USP36: variants seen among roughly 807,000 people sequenced by gnomAD.
The protein encoded by USP36 is ubiquitin carboxyl-terminal hydrolase 36.
In USP36, 59 loss-of-function variants were observed where a neutral mutation model predicts 111.5. The observed-to-expected ratio is 0.53, with a 90% CI of 0.43 to 0.66. The LOEUF is 0.66. Ranked by LOEUF, USP36 falls within the 30% of genes least tolerant of loss-of-function variation. The pLI is 0.00. For missense variants in USP36, 1,488 were observed against 1,468.0 expected, an observed-to-expected ratio of 1.01 and a Z score of -0.22; for synonymous variants, 628 against 581.0, an observed-to-expected ratio of 1.08 and a Z score of -1.16.
intron 6 of USP36, among the ~76,000 whole-genome samples, chr17:78,823,419 T>A (rs1471384443): frequency 6.6e-6 from 1 of 151,958 alleles, no homozygotes; most frequent in Non-Finnish European, 1.5e-5. Flanking sequence ...CCCTCTTGCA[T>A]AACCCAAAGC....
Position 78,802,941 on chromosome 17 carries a change from TTC to T in USP36, c.2811-408_2811-407del, listed in dbSNP as rs369008166. Among the ~76,000 whole-genome samples, 18 of 151,600 alleles carry T rather than the reference TTC, an allele frequency of 1.2e-4. No individual in the cohort carries two copies. In the South Asian group the frequency reaches 1.7e-3, roughly 14 times the overall value. On this transcript the variant is annotated intron_variant, in intron 16 of 20. Transcript: ENST00000449938. Reference sequence around the variant, plus strand: ...TGGTATTTATCAGAGGAGATATTTTTTCTTTTTTCTTTTTTTTTAGACAGGGT... The same window carrying T: ...TGGTATTTATCAGAGGAGATATTTTTTTTTTTCTTTTTTTTTAGACAGGGT...
intron 3 of USP36, among the ~76,000 whole-genome samples, chr17:78,788,023 G>C (rs1385713069): frequency 1.3e-5 from 2 of 152,126 alleles, no homozygotes; most frequent in East Asian, 1.9e-4. Flanking sequence ...TCCAGACTCT[G>C]GTCTCTCTCT....
intron 1 of USP36, among the ~76,000 whole-genome samples, chr17:78,839,572 G>A (rs1040623687): frequency 3.3e-5 from 5 of 152,172 alleles, no homozygotes; most frequent in Non-Finnish European, 5.9e-5. Flanking sequence ...TTAGGGAGGG[G>A]ATAAACGAAC....
At chr17:78,795,431 G>A (rs997757456), downstream of USP36, among the ~76,000 whole-genome samples, 1 of 152,154 alleles carries the variant, frequency 6.6e-6, no homozygotes, top group Non-Finnish European at 1.5e-5. This position sits in a 1 kb window ranked among gnomAD's most constrained non-coding sequence, Gnocchi z 4.5. Context: ...AACAGGAGCC[G>A]CTGCACGGCA....
chr17:78,808,994 C>CT (rs1311791741), intron 13 of USP36, among the ~76,000 whole-genome samples: 58 of 152,268 alleles, frequency 3.8e-4, no homozygotes, highest in Admixed American at 3.7e-3. Flanking sequence ...TGCCAAACTG[C>CT]TTTTACTATA....
In USP36 at chr17:78,807,894, G is replaced by A. The variant is rs557264836; in HGVS notation, c.1408-258C>T. ...AATTTCTGTATTTTTGACAGAGATG[G>A]GGTTTCACCATGTTGGCCAGGCTGG... On this transcript the variant is annotated intron_variant, in intron 13 of 20. Coordinates refer to ENST00000449938, the MANE Select transcript of USP36 (RefSeq NM_001385174.1). 2.0e-4 allele frequency among the ~76,000 whole-genome samples: 30 copies of A among 152,268 alleles called. No homozygotes were observed. The South Asian group carries it at 5.8e-3, about 29-fold the overall frequency.
At chr17:78,811,208 T>C (rs1259237974) in intron 13 of USP36, among the ~76,000 whole-genome samples, 1 of 148,894 alleles carries the variant, frequency 6.7e-6, no homozygotes, top group African/African-American at 2.5e-5. Context: ...TGTGTTCTAA[T>C]GAGGAAACTG....
In USP36 at chr17:78,802,368, C is replaced by T; in HGVS notation, c.2978G>A (p.Ser993Asn). ...CCAGCCATTCGCGGATGGTGCGCAG[C>T]TGCTGGACTCGGGGACAACAGCATC... ...PQDAVVPESS[S>N]CAPSANGWCP... The change falls in exon 17 of 21, where the codon AGC (serine) becomes AAC (asparagine). Residue 993 changes from serine (S) to asparagine (N), a missense_variant. Ser to Asn is a conservative substitution (Grantham distance 46, BLOSUM62 1). This residue lies in a region of USP36 where 1,073 missense variants were observed against 994.1 expected (regional missense o/e 1.08). Coordinates refer to ENST00000449938, the MANE Select transcript of USP36 (RefSeq NM_001385174.1). 6.2e-7 allele frequency: 1 copy of T among 1,604,104 alleles called. No individual in the cohort carries two copies. Among genetic ancestry groups the T allele is most frequent in the Middle Eastern group, 2.0e-4 (1 of 5,116 alleles).
At chr17:78,812,718 A>AAAAG in intron 13 of USP36, 142 bp downstream of exon 13, 2 of 739,188 alleles carry the variant, frequency 2.7e-6, no homozygotes, top group Non-Finnish European at 3.9e-6. Flanking sequence ...AAAAAAAAAA[A>AAAAG]GAAAAGAAAA....
At chr17:78,799,589 A>T in intron 18 of USP36, 78 bp downstream of exon 18, 1 of 1,297,770 alleles carries the variant, frequency 7.7e-7, no homozygotes, top group South Asian at 1.2e-5. Flanking sequence ...ACAGTGCACC[A>T]GGATCCATTC....
Position 78,828,889 on chromosome 17 carries a change from A to G in USP36, c.586+8T>C, listed in dbSNP as rs771473997. The G allele has an allele frequency of 4.3e-6, 7 of 1,613,560 alleles. No homozygotes were observed. Among genetic ancestry groups the G allele is most frequent in the Non-Finnish European group, 5.1e-6 (6 of 1,179,758 alleles). ...ATCACAAAAATTTTAACATGGATTG[A>G]TGCTTACTTTTCAGGTCTCGGATGA... is the stretch of plus-strand genomic sequence containing the variant. On this transcript the variant is annotated splice_region_variant and intron_variant, in intron 5 of 20. Coordinates refer to ENST00000449938, the MANE Select transcript of USP36 (RefSeq NM_001385174.1).
At chr17:78,826,969 G>A (rs1354142590) in intron 6 of USP36, 1 of 631,812 alleles carries the variant, frequency 1.6e-6, no homozygotes, top group East Asian at 2.7e-5. Flanking sequence ...TGACTGAGCT[G>A]CTCAGACACA....
chr17:78,799,702 A>G lies in USP36; in HGVS notation c.3089T>C (p.Leu1030Pro), dbSNP rs1273589889. Residue 1030 changes from leucine to proline, a missense_variant, in exon 18 of 21, where the codon CTC becomes CCC. Transcript: ENST00000449938. ...GTAAGCTTTATCAGATGAGTATTTG[A>G]GCAGTTCCTGGACCACATCAGACTC... is the stretch of plus-strand genomic sequence containing the variant. ...ERESDVVQEL[L>P]KYSSDKAYGR... The G allele has an allele frequency of 6.8e-6, 11 of 1,613,400 alleles. No homozygotes were observed. The highest frequency in any genetic ancestry group is 8.5e-6 in the Non-Finnish European group (10 of 1,179,760).
At chr17:78,840,968 G>A (rs957501074), upstream of USP36, 2 of 152,300 alleles carry the variant, frequency 1.3e-5, no homozygotes, top group African/African-American at 2.4e-5. Context: ...CCGCTTCCGT[G>A]TCGCCTACGT....
intron 17 of USP36, among the ~76,000 whole-genome samples, chr17:78,800,969 ATTTTTT>A (rs746497209): frequency 2.1e-5 from 2 of 97,194 alleles, no homozygotes; most frequent in African/African-American, 4.1e-5. Flanking sequence ...TTAGGGCAGT[ATTTTTT>A]TTTTTTTTTT....
At position 78,818,678 on chromosome 17, in the gene USP36, T is replaced by A; in HGVS notation, c.1012A>T (p.Lys338Ter). Residue 338 changes from lysine to a stop codon, truncating the protein, a stop_gained, in exon 10 of 21, where the codon AAG becomes TAG. Transcript: ENST00000449938. LOFTEE classifies it high-confidence loss of function. ...LKRFANFSGGKITKDVGYPEF... is the reference protein window; with the variant it reads ...LKRFANFSGG ...TCACGAGCGCTCACCTTGGTGATCT[T>A]CCCCCCGCTGAAGTTGGCAAAGCGC... is the stretch of plus-strand genomic sequence containing the variant. 1 of 1,613,698 alleles carries A rather than the reference T, an allele frequency of 6.2e-7. No homozygotes were observed. The highest frequency in any genetic ancestry group is 8.5e-7 in the Non-Finnish European group (1 of 1,179,704).
intron 17 of USP36, among the ~76,000 whole-genome samples, chr17:78,801,491 C>T (rs1018302534): frequency 1.1e-4 from 17 of 152,224 alleles, no homozygotes; most frequent in Non-Finnish European, 1.6e-4. Flanking sequence ...CACTCAAGCT[C>T]GGCCCCCTAT....
At chr17:78,805,191 C>A (rs1160911149) in intron 15 of USP36, among the ~76,000 whole-genome samples, 2 of 152,122 alleles carry the variant, frequency 1.3e-5, no homozygotes, top group African/African-American at 4.8e-5. Context: ...AAAACAGGAC[C>A]CCCGTCATCA....
At chr17:78,812,666 C>CA (rs961568796) in intron 13 of USP36, among the ~76,000 whole-genome samples, 194 bp downstream of exon 13, 3 of 143,196 alleles carry the variant, frequency 2.1e-5, no homozygotes, top group African/African-American at 7.8e-5. Flanking sequence ...CACTGCACCC[C>CA]AGCCTGGATG....
Sources: allele counts gnomAD v4.1 joint callset (sites outside exome capture counted in the v4.1 genomes callset), GRCh38; gene constraint gnomAD v4.1.1; regional missense constraint gnomAD v4.1.1; non-coding constraint Gnocchi (gnomAD v3.1); transcripts MANE v1.5; gene names NCBI Gene and HGNC (gene_info 2026-07-23, HGNC 2026-07-21).